TRPV3: variants seen among roughly 807,000 people sequenced by gnomAD.
TRPV3 encodes VRL-3.
A neutral mutation model predicts 87.1 loss-of-function variants in TRPV3; 88 were observed. The observed-to-expected ratio is 1.01, with a 90% CI of 0.85 to 1.21. TRPV3 has a LOEUF of 1.21. Among genes scored for constraint, TRPV3 ranks in the 50% most tolerant of loss-of-function variants. The pLI, the probability that TRPV3 is intolerant of heterozygous loss-of-function variation, is 0.00. For synonymous variants in TRPV3, 438 were observed against 423.3 expected (o/e 1.03, Z -0.43); for missense variants, 1,054 against 1,030.1 (o/e 1.02, Z -0.32).
Position 3,511,393 on chromosome 17 carries a change from A to G in TRPV3, c.*2524T>C, listed in dbSNP as rs2074111790. ...TCAGGGAGACATCTGTGGTCCAAGA[A>G]TCAGGACACTCCAGCCTCCACAGCT... On this transcript the variant is annotated 3_prime_UTR_variant, in exon 18 of 18. Transcript: ENST00000576742. 6.6e-6 allele frequency: 1 copy of G among 152,242 alleles called. No individual in the cohort carries two copies. The highest frequency in any genetic ancestry group is 2.4e-5 in the African/African-American group (1 of 41,454). The allele number at this position is 152,242 out of a possible 1,614,324, so 9.4% of individuals were successfully genotyped here.
In TRPV3 at chr17:3,529,014, C is replaced by G. The variant is rs1464218519; in HGVS notation, c.1243-19G>C. On this transcript the variant is annotated intron_variant, in intron 9 of 17. Coordinates refer to ENST00000576742, the MANE Select transcript of TRPV3 (RefSeq NM_145068.4). ...GCCGGTTCTAGGGGTAGAATGCCAC[C>G]AGTCACCATGGAGATGAGGGAGAGA... The G allele has an allele frequency of 6.2e-7, 1 of 1,614,012 alleles. No individual in the cohort carries two copies. Among genetic ancestry groups the G allele is most frequent in the Admixed American group, 1.7e-5 (1 of 60,010 alleles).
At chr17:3,514,165 A>T in intron 17 of TRPV3, 154 bp from the exon 18 acceptor site, 1 of 595,046 alleles carries the variant, frequency 1.7e-6, no homozygotes, top group Non-Finnish European at 2.8e-6. Context: ...TGCAACCTCC[A>T]CCTCCCAGGT....
chr17:3,535,741 G>C, intron 6 of TRPV3, 28 bp from the exon 7 acceptor site: 3 of 1,444,764 alleles, frequency 2.1e-6, no homozygotes, highest in Non-Finnish European at 2.7e-6. Flanking sequence ...ACGCGCGGGA[G>C]CCTCAGCGCC....
At chr17:3,514,531 C>G (rs2074156065) in intron 17 of TRPV3, 62 bp downstream of exon 17, 2 of 1,245,516 alleles carry the variant, frequency 1.6e-6, no homozygotes, top group Non-Finnish European at 2.4e-6. Flanking sequence ...TAGACTTGAT[C>G]TGCCCAAGGT....
At chr17:3,515,395 T>G (rs2074170297) in intron 16 of TRPV3, among the ~76,000 whole-genome samples, 1 of 152,150 alleles carries the variant, frequency 6.6e-6, no homozygotes, top group Non-Finnish European at 1.5e-5. Flanking sequence ...GCACCGTGGC[T>G]CACGCCTGTA....
rs773442081 is a variant in TRPV3 at position 3,516,434 on chromosome 17, C to T, written c.2198+23G>A. ...CTACCCACCCCAAAGACCACCACCCCAGGGCCCTTCTCCCTTTGTTACCGC... is the reference window on the plus strand; with the variant it reads ...CTACCCACCCCAAAGACCACCACCCTAGGGCCCTTCTCCCTTTGTTACCGC... On this transcript the variant is annotated intron_variant, in intron 16 of 17. Transcript: ENST00000576742. The T allele has an allele frequency of 3.8e-6, 6 of 1,599,074 alleles. No individual in the cohort carries two copies. In the Admixed American group the frequency reaches 8.3e-5, roughly 22 times the overall value.
chr17:3,543,526 C>T lies in TRPV3; in HGVS notation c.414G>A (p.Leu138=). ...TGCAAAGCTCCTGCAGCTCCACCAG[C>T]AACTCTACCAACTCCTCCACGCAGC... ...SEGCVEELVE[L]LVELQELCRR... Residue 138 remains leucine (L), a synonymous_variant, in exon 5 of 18, where the codon TTG becomes TTA. Coordinates refer to ENST00000576742, the MANE Select transcript of TRPV3 (RefSeq NM_145068.4). 6.2e-7 allele frequency: 1 copy of T among 1,614,068 alleles called. No homozygotes were observed.
chr17:3,543,918 A>G (rs765757466), intron 4 of TRPV3, among the ~76,000 whole-genome samples: 2 of 152,202 alleles, frequency 1.3e-5, no homozygotes, highest in South Asian at 2.1e-4. Flanking sequence ...TTCATATTTT[A>G]TGTTGTTTGA....
intron 7 of TRPV3, among the ~76,000 whole-genome samples, chr17:3,533,501 C>CTTT (rs11378089): frequency 1.4e-4 from 20 of 139,248 alleles, no homozygotes; most frequent in African/African-American, 2.7e-4. Context: ...CTCTGCTTTA[C>CTTT]TTTTTTTTTT....
intron 6 of TRPV3, among the ~76,000 whole-genome samples, chr17:3,541,857 G>GTCACACTATCTTCATT (rs2074464852): frequency 2.0e-5 from 3 of 152,288 alleles, no homozygotes; most frequent in Admixed American, 2.0e-4. Flanking sequence ...GTCACTTTCT[G>GTCACACTATCTTCATT]TCACACTATC....
intron 6 of TRPV3, among the ~76,000 whole-genome samples, chr17:3,538,443 A>G (rs1007063418): frequency 6.6e-6 from 1 of 151,944 alleles, no homozygotes; most frequent in South Asian, 2.1e-4. Context: ...AGAACAAAAA[A>G]AAAAAAAAAA....
chr17:3,555,671 T>G (rs1010909334), intron 1 of TRPV3, among the ~76,000 whole-genome samples: 3 of 152,074 alleles, frequency 2.0e-5, no homozygotes, highest in Non-Finnish European at 4.4e-5. Flanking sequence ...GAAGGGGGAC[T>G]GATACATCTT....
chr17:3,537,478 C>T (rs1052672703), intron 6 of TRPV3, among the ~76,000 whole-genome samples: 1 of 152,078 alleles, frequency 6.6e-6, no homozygotes, highest in Non-Finnish European at 1.5e-5. Context: ...GCTGTGTTGC[C>T]CAGGCTGGTC....
Position 3,519,632 on chromosome 17 carries a change from GATTA to G in TRPV3, c.1811-786_1811-783del, listed in dbSNP as rs1423216326. ...TGGATGGATGGATGGATGGATGGAT[GATTA>G]GATGGATGATTAGATGGATGGATGG... is the stretch of plus-strand genomic sequence containing the variant. On this transcript the variant is annotated intron_variant, in intron 14 of 17. Coordinates refer to ENST00000576742, the MANE Select transcript of TRPV3 (RefSeq NM_145068.4). Among the ~76,000 whole-genome samples, 151 of 77,336 alleles carry G rather than the reference GATTA, an allele frequency of 2.0e-3. 3 individuals are homozygous for G. The highest frequency in any genetic ancestry group is 4.3e-3 in the African/African-American group (89 of 20,526). 50.7% of individuals were successfully genotyped at this position (77,336 alleles called of 152,430 possible).
At chr17:3,533,000 C>A in intron 7 of TRPV3, 63 bp from the exon 8 acceptor site, 2 of 1,582,656 alleles carry the variant, frequency 1.3e-6, no homozygotes, top group Non-Finnish European at 1.7e-6. Context: ...CCCCCAAGCC[C>A]CAGGACTGGG....
chr17:3,516,464 A>T lies in TRPV3; in HGVS notation c.2191T>A (p.Cys731Ser). 1 of 1,613,938 alleles carries T rather than the reference A, an allele frequency of 6.2e-7. No individual in the cohort carries two copies. The highest frequency in any genetic ancestry group is 8.5e-7 in the Non-Finnish European group (1 of 1,179,872). ...CKVAEDDFRL[C>S]LRINEVKWTE... is the part of the protein sequence containing the mutation. ...CCCTTCTCCCTTTGTTACCGCAAACACAGTCGGAAATCATCCTCGGCCACT... is the reference window on the plus strand; with the variant it reads ...CCCTTCTCCCTTTGTTACCGCAAACTCAGTCGGAAATCATCCTCGGCCACT... Residue 731 changes from cysteine to serine, a missense_variant, in exon 16 of 18, where the codon TGT becomes AGT. By Grantham distance (112) the Cys-to-Ser change is moderately radical. Transcript: ENST00000576742.
Position 3,528,817 on chromosome 17 carries a change from C to A in TRPV3, c.1401+20G>T. The A allele has an allele frequency of 6.2e-7, 1 of 1,613,710 alleles. No individual in the cohort carries two copies. The highest frequency in any genetic ancestry group is 1.1e-5 in the South Asian group (1 of 91,038). ...CCAGCTCTGACGGCCCCATTTTCCCCCTCCAAGGGGCCCACGTACCTCCTC... is the reference window on the plus strand; with the variant it reads ...CCAGCTCTGACGGCCCCATTTTCCCACTCCAAGGGGCCCACGTACCTCCTC... On this transcript the variant is annotated intron_variant, in intron 10 of 17. Coordinates refer to ENST00000576742, the MANE Select transcript of TRPV3 (RefSeq NM_145068.4). The surrounding 1 kb of genome is among the most constrained non-coding windows in gnomAD (Gnocchi z 4.2).
At chr17:3,521,178 A>C in intron 13 of TRPV3, 139 bp from the exon 14 acceptor site, 2 of 426,872 alleles carry the variant, frequency 4.7e-6, no homozygotes, top group Non-Finnish European at 8.7e-6. Flanking sequence ...CCCCAGCCAA[A>C]TCCTCCTGAT....
In TRPV3 at chr17:3,514,609, C is replaced by T. The variant is rs116194142; in HGVS notation, c.2262G>A (p.Gly754=). 12 of 1,613,468 alleles carry T rather than the reference C, an allele frequency of 7.4e-6. No homozygotes were observed. The highest frequency in any genetic ancestry group is 9.3e-6 in the Non-Finnish European group (11 of 1,179,422). Residue 754 remains glycine, a synonymous_variant, in exon 17 of 18, where the codon GGG becomes GGA. Transcript: ENST00000576742. ...THVSFLNEDP[G]PVRRTDFNKI... ...CGACAGTACCTGTTCGTCTTACAGG[C>T]CCCGGGTCTTCGTTAAGGAAGGAGA...
Sources: allele counts gnomAD v4.1 joint callset (sites outside exome capture counted in the v4.1 genomes callset), GRCh38; gene constraint gnomAD v4.1.1; non-coding constraint Gnocchi (gnomAD v3.1); transcripts MANE v1.5; gene names NCBI Gene and HGNC (gene_info 2026-07-23, HGNC 2026-07-21).